The following TRIM34 variants were observed in gnomAD, a reference collection of about 807,000 sequenced individuals.
TRIM34 encodes E3 ubiquitin-protein ligase TRIM34.
Under a neutral mutation model 38.1 loss-of-function variants are expected in TRIM34, and 41 were observed. The ratio of observed to expected loss-of-function variants is 1.08; its 90% CI spans 0.84 to 1.40. TRIM34 has a LOEUF of 1.40. TRIM34 is among the 40% of genes most tolerant of loss of function. The pLI, the probability that TRIM34 is intolerant of heterozygous loss-of-function variation, is 0.00. For missense variants in TRIM34, 556 were observed against 571.4 expected, an observed-to-expected ratio of 0.97 and a Z score of 0.27; for synonymous variants, 200 against 202.5, an observed-to-expected ratio of 0.99 and a Z score of 0.10.
At chr11:5,629,981 C>T (rs996608727) in intron 1 of TRIM34, among the ~76,000 whole-genome samples, 4 of 152,156 alleles carry the variant, frequency 2.6e-5, no homozygotes, top group African/African-American at 9.7e-5. Flanking sequence ...GCTGAGATTA[C>T]AGGGGTGAGC....
chr11:5,623,587 A>C (rs1187449918), upstream of TRIM34, among the ~76,000 whole-genome samples: 1 of 131,126 alleles, frequency 7.6e-6, no homozygotes, highest in Non-Finnish European at 1.6e-5. Flanking sequence ...TCACCATGTT[A>C]GCCAGGGTGG....
chr11:5,642,695 T>C, intron 6 of TRIM34, 122 bp from the exon 7 acceptor site: 1 of 1,293,768 alleles, frequency 7.7e-7, no homozygotes, highest in Non-Finnish European at 1.1e-6. Context: ...TTTATCTTTT[T>C]AATTCACTAG....
At chr11:5,631,566 C>T (rs1225414467) in intron 1 of TRIM34, among the ~76,000 whole-genome samples, 1 of 152,134 alleles carries the variant, frequency 6.6e-6, no homozygotes, top group Non-Finnish European at 1.5e-5. Context: ...ATTGCTGTTT[C>T]TGTCGGTATC....
intron 1 of TRIM34, among the ~76,000 whole-genome samples, chr11:5,627,830 G>A (rs1849311089): frequency 1.3e-5 from 2 of 152,170 alleles, no homozygotes; most frequent in African/African-American, 4.8e-5. Flanking sequence ...ATATTGTCTA[G>A]AAACTTCAAA....
At chr11:5,638,742 T>C (rs925714813) in intron 4 of TRIM34, among the ~76,000 whole-genome samples, 1 of 152,250 alleles carries the variant, frequency 6.6e-6, no homozygotes, top group African/African-American at 2.4e-5. Context: ...TGCCGTTTTT[T>C]CTTCTTTGTG....
chr11:5,633,903 A>C lies in TRIM34; in HGVS notation c.519+4A>C, dbSNP rs2133930662. 6.2e-7 allele frequency: 1 copy of C among 1,613,740 alleles called. No homozygotes were observed. The highest frequency in any genetic ancestry group is 8.5e-7 in the Non-Finnish European group (1 of 1,179,844). ...AGAAGAGAAAACTTCCTGGAAGGCA[A>C]GAGGAGATTCTGAAGGTTTTCTGAG... On this transcript the variant is annotated splice_donor_region_variant and intron_variant, in intron 3 of 7. Coordinates refer to ENST00000429814, the MANE Select transcript of TRIM34 (RefSeq NM_021616.6).
chr11:5,632,384 G>A lies in TRIM34; in HGVS notation c.53G>A (p.Cys18Tyr). Reference sequence around the variant, plus strand: ...CAAGAGGAGGTGACCTGTCCCATCTGCCTGGAGCTGTTGACAGAACCCTTG... The same window carrying A: ...CAAGAGGAGGTGACCTGTCCCATCTACCTGGAGCTGTTGACAGAACCCTTG... ...NVQEEVTCPI[C>Y]LELLTEPLSL... Residue 18 changes from cysteine to tyrosine, a missense_variant, in exon 2 of 8, where the codon TGC becomes TAC. Transcript: ENST00000429814. 1 of 1,614,086 alleles carries A rather than the reference G, an allele frequency of 6.2e-7. No homozygotes were observed. Among genetic ancestry groups the A allele is most frequent in the Non-Finnish European group, 8.5e-7 (1 of 1,180,014 alleles).
chr11:5,630,068 G>A (rs974661135), intron 1 of TRIM34, among the ~76,000 whole-genome samples: 6 of 152,142 alleles, frequency 3.9e-5, no homozygotes, highest in South Asian at 2.1e-4. Flanking sequence ...TGAAACTAAC[G>A]TAGCTTAGGT....
At chr11:5,635,859 G>C (rs1186594109) in intron 4 of TRIM34, among the ~76,000 whole-genome samples, 2 of 151,926 alleles carry the variant, frequency 1.3e-5, no homozygotes, top group African/African-American at 4.8e-5. Context: ...CATTAGTATG[G>C]CTATAATAAA....
intron 1 of TRIM34, 131 bp from the exon 2 acceptor site, chr11:5,632,124 C>T (rs1338574207): frequency 8.3e-6 from 11 of 1,320,758 alleles, no homozygotes; most frequent in Non-Finnish European, 1.1e-5. Context: ...CCACTTTCAG[C>T]CATTTTTGGT....
At chr11:5,620,478 G>A (rs919400806), upstream of TRIM34, among the ~76,000 whole-genome samples, 4 of 152,118 alleles carry the variant, frequency 2.6e-5, no homozygotes, top group African/African-American at 7.2e-5. Flanking sequence ...TGGGATTACA[G>A]GAGTGAGCCA....
upstream of TRIM34, among the ~76,000 whole-genome samples, chr11:5,623,126 T>A (rs140156113): frequency 4.1e-3 from 497 of 120,138 alleles, 1 homozygote; most frequent in Non-Finnish European, 6.8e-3. Flanking sequence ...TTTTTTTTTT[T>A]ATCTTAGTAG....
chr11:5,633,972 T>C, intron 3 of TRIM34, 73 bp downstream of exon 3: 1 of 1,522,926 alleles, frequency 6.6e-7, no homozygotes, highest in Non-Finnish European at 8.9e-7. Flanking sequence ...GCCTCGTCCT[T>C]TTTATTCCTT....
chr11:5,632,347 T>C lies in TRIM34; in HGVS notation c.16T>C (p.Leu6=). 1 of 1,614,074 alleles carries C rather than the reference T, an allele frequency of 6.2e-7. No individual in the cohort carries two copies. The highest frequency in any genetic ancestry group is 8.5e-7 in the Non-Finnish European group (1 of 1,180,012). The change falls in exon 2 of 8, where the codon TTG becomes CTG. Residue 6 remains leucine (L), a synonymous_variant. Transcript: ENST00000429814. Reference sequence around the variant, plus strand: ...AAGCAGTGCAATGGCTTCAAAAATCTTGCTTAACGTACAAGAGGAGGTGAC... The same window carrying C: ...AAGCAGTGCAATGGCTTCAAAAATCCTGCTTAACGTACAAGAGGAGGTGAC... The part of the protein sequence containing the change: MASKI[L]LNVQEEVTCP...
intron 5 of TRIM34, among the ~76,000 whole-genome samples, chr11:5,641,638 G>A (rs952742241): frequency 6.6e-5 from 10 of 152,094 alleles, no homozygotes; most frequent in Non-Finnish European, 4.4e-5. Flanking sequence ...ATTATGCAAG[G>A]TTCTCTTTAG....
chr11:5,634,528 CACATAT>C (rs774144733), intron 3 of TRIM34, 97 bp from the exon 4 acceptor site: 107 of 536,622 alleles, frequency 2.0e-4, no homozygotes, highest in Non-Finnish European at 2.4e-4. Context: ...CACACACACA[CACATAT>C]ATATATATAT....
At chr11:5,641,555 A>ATGT (rs1850013397) in intron 5 of TRIM34, among the ~76,000 whole-genome samples, 1 of 152,164 alleles carries the variant, frequency 6.6e-6, no homozygotes, top group Admixed American at 6.6e-5. Flanking sequence ...GGCCTTGTCA[A>ATGT]ATCCTAAAAT....
intron 1 of TRIM34, 22 bp from the exon 2 acceptor site, chr11:5,632,231 ACC>A: frequency 6.4e-7 from 1 of 1,573,706 alleles, no homozygotes; most frequent in Non-Finnish European, 8.6e-7. Context: ...CCATTCTTAT[ACC>A]ATCCCCTTTC....
At chr11:5,623,800 G>A (rs1057398326), upstream of TRIM34, among the ~76,000 whole-genome samples, 11 of 152,104 alleles carry the variant, frequency 7.2e-5, no homozygotes, top group Non-Finnish European at 1.6e-4. Context: ...ATTTTTGTGG[G>A]AAAGTTGTTA....
Sources: allele counts gnomAD v4.1 joint callset (sites outside exome capture counted in the v4.1 genomes callset), GRCh38; gene constraint gnomAD v4.1.1; transcripts MANE v1.5; gene names NCBI Gene and HGNC (gene_info 2026-07-23, HGNC 2026-07-21).